Variants in NPHP3 observed in about 807,000 individuals in gnomAD.
The protein encoded by NPHP3 is nephrocystin 3, also known as nephrocystin-3.
Under a neutral mutation model 171.9 loss-of-function variants are expected in NPHP3, and 123 were observed. That is an observed-to-expected ratio of 0.72 (90% CI 0.62 to 0.83). NPHP3 has a LOEUF of 0.83. NPHP3 is among the 40% of genes least tolerant of loss of function. The pLI is 0.00. For synonymous variants in NPHP3, 558 were observed against 579.2 expected (o/e 0.96, Z 0.52); for missense variants, 1,506 against 1,591.9 (o/e 0.95, Z 0.92).
intron 4 of NPHP3, among the ~76,000 whole-genome samples, chr3:132,716,148 C>T (rs1176424111): frequency 6.6e-6 from 1 of 152,040 alleles, no homozygotes; most frequent in Non-Finnish European, 1.5e-5. Flanking sequence ...TCAATGTGGG[C>T]CAGGGAAGCT....
rs190734086 is a variant in NPHP3 at position 132,700,839 on chromosome 3, T to C, written c.1629-391A>G. ...GTAATAAAAAGGAGACAACTACATATGCTAACCCTTCAATATAAATAATTA... is the reference window on the plus strand; with the variant it reads ...GTAATAAAAAGGAGACAACTACATACGCTAACCCTTCAATATAAATAATTA... On this transcript the variant is annotated intron_variant, in intron 10 of 26. Transcript: ENST00000337331. Among the ~76,000 whole-genome samples the C allele has an allele frequency of 1.5e-3, 226 of 152,294 alleles. 2 individuals are homozygous for C. Among genetic ancestry groups the C allele is most frequent in the East Asian group, 5.8e-4 (3 of 5,192 alleles).
chr3:132,717,154 T>C, intron 3 of NPHP3: 1 of 449,954 alleles, frequency 2.2e-6, no homozygotes, highest in Non-Finnish European at 4.0e-6. Flanking sequence ...TAAACAAGAA[T>C]ACAATAAAAA....
At chr3:132,682,484 G>A in intron 26 of NPHP3, 1 of 582,896 alleles carries the variant, frequency 1.7e-6, no homozygotes, top group Non-Finnish European at 3.0e-6. Context: ...ATCCTTCACT[G>A]TTTGCCATGA....
At chr3:132,696,902 C>A (rs1453203394) in intron 14 of NPHP3, 89 bp from the exon 15 acceptor site, 1 of 997,950 alleles carries the variant, frequency 1.0e-6, no homozygotes, top group East Asian at 2.4e-5. Context: ...TCAACAAGTA[C>A]CCCGACAGAA....
chr3:132,689,001 A>G (rs1158269993), intron 20 of NPHP3, 73 bp downstream of exon 20: 1 of 1,611,846 alleles, frequency 6.2e-7, no homozygotes, highest in Non-Finnish European at 8.5e-7. Flanking sequence ...CCACATTAAC[A>G]TCTTGGAAAA....
intron 11 of NPHP3, 74 bp from the exon 12 acceptor site, chr3:132,700,135 T>C (rs1234367288): frequency 1.9e-6 from 3 of 1,542,384 alleles, no homozygotes; most frequent in Non-Finnish European, 2.7e-6. Context: ...CTGGGGGAAA[T>C]ATTTCTATTC....
intron 8 of NPHP3, 96 bp downstream of exon 8, chr3:132,705,642 CAA>C (rs1939728203): frequency 2.9e-6 from 2 of 690,514 alleles, no homozygotes. Context: ...GTACTGTGTT[CAA>C]AAAGACAAGC....
At chr3:132,721,770 A>C (rs1485884086) in intron 1 of NPHP3, 193 bp downstream of exon 1, 4 of 783,004 alleles carry the variant, frequency 5.1e-6, no homozygotes, top group Admixed American at 4.0e-5. Flanking sequence ...CACCGCAGCG[A>C]GACCCTGTCT....
chr3:132,703,028 C>A (rs1228908411), intron 9 of NPHP3, among the ~76,000 whole-genome samples: 2 of 152,190 alleles, frequency 1.3e-5, no homozygotes, highest in South Asian at 2.1e-4. Context: ...ACCTCAGTTT[C>A]TTTATTTATA....
chr3:132,699,516 T>C, intron 12 of NPHP3, 66 bp from the exon 13 acceptor site: 1 of 1,010,840 alleles, frequency 9.9e-7, no homozygotes, highest in Non-Finnish European at 1.5e-6. Context: ...CAATAATAGC[T>C]CCCCAAATAA....
chr3:132,719,337 A>G (rs1940139985), intron 2 of NPHP3, among the ~76,000 whole-genome samples, 193 bp from the exon 3 acceptor site: 1 of 152,144 alleles, frequency 6.6e-6, no homozygotes, highest in East Asian at 1.9e-4. Context: ...TTCCAGCAGG[A>G]TGCGTGTCTG....
chr3:132,704,200 T>A lies in NPHP3; in HGVS notation c.1522A>T (p.Lys508Ter). 1 of 1,614,176 alleles carries A rather than the reference T, an allele frequency of 6.2e-7. No homozygotes were observed. The highest frequency in any genetic ancestry group is 1.3e-5 in the African/African-American group (1 of 75,054). The change falls in exon 9 of 27, where the codon AAA (lysine) becomes TAA (stop). Residue 508 changes from lysine (K) to a stop codon, truncating the protein, a stop_gained and splice_region_variant. Coordinates refer to ENST00000337331, the MANE Select transcript of NPHP3 (RefSeq NM_153240.5). LOFTEE classifies it high-confidence loss of function. ...SNSAHELGFE[K>*]YYQRLNDLVA... is the part of the protein sequence containing the mutation. ...GCAATAATACTCCAAGCACTTACTT[T>A]CTCAAATCCCAACTCATGGGCTGAA...
At chr3:132,700,245 A>C (rs1939570382) in intron 11 of NPHP3, 89 bp downstream of exon 11, 1 of 1,179,326 alleles carries the variant, frequency 8.5e-7, no homozygotes, top group African/African-American at 1.5e-5. Context: ...GATAATACTG[A>C]AAATTGGTTT....
intron 15 of NPHP3, 66 bp downstream of exon 15, chr3:132,696,665 G>T: frequency 7.2e-7 from 1 of 1,389,256 alleles, no homozygotes; most frequent in Non-Finnish European, 1.0e-6. Context: ...CAGTTTTGCA[G>T]GGTGAGAAAG....
chr3:132,681,434 T>C lies in NPHP3; in HGVS notation c.*476A>G. 5.7e-6 allele frequency: 1 copy of C among 174,328 alleles called. No homozygotes were observed. The highest frequency in any genetic ancestry group is 1.6e-4 in the East Asian group (1 of 6,232). 10.8% of individuals were successfully genotyped at this position (174,328 alleles called of 1,614,324 possible). On this transcript the variant is annotated 3_prime_UTR_variant, in exon 27 of 27. Transcript: ENST00000337331. ...ATGCGCCACCAGGTCCAGCTAATTTTTTTTTGTATTTTTAGTAGAGACAGG... is the reference window on the plus strand; with the variant it reads ...ATGCGCCACCAGGTCCAGCTAATTTCTTTTTGTATTTTTAGTAGAGACAGG...
Position 132,682,106 on chromosome 3 carries a change from C to T in NPHP3, c.3813-16G>A. 1.9e-6 allele frequency: 3 copies of T among 1,608,510 alleles called. No homozygotes were observed. In the South Asian group the frequency reaches 3.3e-5, roughly 18 times the overall value. On this transcript the variant is annotated splice_polypyrimidine_tract_variant and intron_variant, in intron 26 of 26. Coordinates refer to ENST00000337331, the MANE Select transcript of NPHP3 (RefSeq NM_153240.5). ...TCCTTCATAGCTTTGAGAGAGAAAACAAAAACTCTTAAAATGAGAATATAA... is the reference window on the plus strand; with the variant it reads ...TCCTTCATAGCTTTGAGAGAGAAAATAAAAACTCTTAAAATGAGAATATAA...
Position 132,700,419 on chromosome 3 carries a change from T to C in NPHP3, c.1658A>G (p.Asn553Ser), listed in dbSNP as rs373846495. 5.6e-6 allele frequency: 9 copies of C among 1,611,702 alleles called. No homozygotes were observed. Among genetic ancestry groups the C allele is most frequent in the South Asian group, 2.2e-5 (2 of 90,572 alleles). ...WIQLQQKNSP[N>S]TLILSHFVGR... Reference sequence around the variant, plus strand: ...CACAAAATGGGAAAGAATCAGTGTGTTGGGGGAATTCTTCTGTTGTAATTG... The same window carrying C: ...CACAAAATGGGAAAGAATCAGTGTGCTGGGGGAATTCTTCTGTTGTAATTG... The change falls in exon 11 of 27, where the codon AAC (asparagine) becomes AGC (serine). Residue 553 changes from asparagine to serine, a missense_variant. Around this residue, in one of 3 missense-constraint regions of NPHP3, gnomAD observed 930 missense variants for 924.9 expected, o/e 1.01. Transcript: ENST00000337331.
chr3:132,684,727 C>A lies in NPHP3; in HGVS notation c.3397G>T (p.Asp1133Tyr). 1 of 1,614,050 alleles carries A rather than the reference C, an allele frequency of 6.2e-7. No homozygotes were observed. The highest frequency in any genetic ancestry group is 1.1e-5 in the South Asian group (1 of 91,062). ...AGATTATTCAAAGACTGAGCACAGT[C>A]AGGGTGATCTGGTCCTAGAACTCGC... is the stretch of plus-strand genomic sequence containing the variant. ...RERVLGPDHP[D>Y]CAQSLNNLAA... The change falls in exon 24 of 27, where the codon GAC becomes TAC. Residue 1133 changes from aspartate (D) to tyrosine (Y), a missense_variant. By Grantham distance (160) the Asp-to-Tyr change is radical (BLOSUM62 -3). Transcript: ENST00000337331.
intron 21 of NPHP3, 29 bp downstream of exon 21, chr3:132,688,621 T>G: frequency 6.2e-7 from 1 of 1,609,982 alleles, no homozygotes; most frequent in East Asian, 2.3e-5. Flanking sequence ...CTGCATAAAA[T>G]CAGGTATTAC....
Sources: allele counts gnomAD v4.1 joint callset (sites outside exome capture counted in the v4.1 genomes callset), GRCh38; gene constraint gnomAD v4.1.1; regional missense constraint gnomAD v4.1.1; transcripts MANE v1.5; gene names NCBI Gene and HGNC (gene_info 2026-07-23, HGNC 2026-07-21).